The following CCDC187 variants were observed in gnomAD, a reference collection of about 807,000 sequenced individuals.
CCDC187 encodes coiled-coil domain-containing protein 187.
A neutral mutation model predicts 38.0 loss-of-function variants in CCDC187; 32 were observed. That is an observed-to-expected ratio of 0.84 (90% confidence interval 0.64 to 1.13). The LOEUF (loss-of-function observed/expected upper bound fraction) is 1.13, where lower values mean the gene tolerates loss of function less well. Among genes scored for constraint, CCDC187 ranks in the 50% most tolerant of loss-of-function variants. The pLI, the probability that CCDC187 is intolerant of heterozygous loss-of-function variation, is 0.00. For missense variants in CCDC187, 707 were observed against 786.8 expected, an observed-to-expected ratio of 0.90 and a Z score of 1.21; for synonymous variants, 333 against 347.9, an observed-to-expected ratio of 0.96 and a Z score of 0.48.
intron 9 of CCDC187, among the ~76,000 whole-genome samples, chr9:136,282,463 C>T (rs1479261309): frequency 6.6e-6 from 1 of 151,624 alleles, no homozygotes; most frequent in Non-Finnish European, 1.5e-5. Flanking sequence ...GTGGGCGGAG[C>T]ATGTGCTGAG....
In CCDC187 at chr9:136,293,405, ACACT is replaced by A. The variant is rs1190947350; in HGVS notation, c.833-1114_833-1111del. Among the ~76,000 whole-genome samples the A allele has an allele frequency of 3.4e-3, 275 of 81,468 alleles. 16 individuals carry two copies. Among genetic ancestry groups the A allele is most frequent in the East Asian group, 0.027 (61 of 2,272 alleles). The allele number at this position is 81,468 out of a possible 152,430, so 53.4% of individuals were successfully genotyped here. The stretch of plus-strand genomic sequence containing the variant: ...CACTCACATGCTCACACACTCACAA[ACACT>A]CACATGCTCACATACTCTCACATGC... On this transcript the variant is annotated intron_variant, in intron 4 of 25. Transcript: ENST00000638797.
At chr9:136,293,627 C>T (rs1831438917) in intron 4 of CCDC187, among the ~76,000 whole-genome samples, 1 of 152,100 alleles carries the variant, frequency 6.6e-6, no homozygotes, top group African/African-American at 2.4e-5. Flanking sequence ...CCAATGCTGA[C>T]AGGCACTCGC....
Position 136,273,854 on chromosome 9 carries a change from G to T in CCDC187, c.3442+804C>A, listed in dbSNP as rs572305655. Among the ~76,000 whole-genome samples, 213 of 152,382 alleles carry T rather than the reference G, an allele frequency of 1.4e-3. 2 individuals are homozygous for T. Among genetic ancestry groups the T allele is most frequent in the African/African-American group, 4.6e-3 (190 of 41,590 alleles). On this transcript the variant is annotated intron_variant, in intron 14 of 25. Coordinates refer to ENST00000638797, the MANE Select transcript of CCDC187 (RefSeq NM_001378188.1). ...AGCAGGTGCCAAGCCTGGAGATGGG[G>T]CGACTGTGGCCGGCTGGGAAGTCAC...
chr9:136,279,444 T>A (rs1264577869), intron 10 of CCDC187, among the ~76,000 whole-genome samples: 3 of 152,174 alleles, frequency 2.0e-5, no homozygotes, highest in African/African-American at 7.2e-5. Context: ...GCCCATAGGA[T>A]GGTGAATGAG....
At chr9:136,289,904 T>G in intron 7 of CCDC187, 55 bp downstream of exon 7, 1 of 307,768 alleles carries the variant, frequency 3.2e-6, no homozygotes, top group Non-Finnish European at 5.4e-6. Flanking sequence ...GAACTGTTCT[T>G]GGCCCCCCCC....
intron 7 of CCDC187, among the ~76,000 whole-genome samples, chr9:136,288,977 G>A (rs1021729831): frequency 2.6e-5 from 4 of 152,242 alleles, no homozygotes; most frequent in Admixed American, 2.6e-4. Context: ...GGCCAAAGCA[G>A]GTGCAAGCAC....
At chr9:136,279,868 A>G (rs1335368107) in intron 10 of CCDC187, among the ~76,000 whole-genome samples, 1 of 152,228 alleles carries the variant, frequency 6.6e-6, no homozygotes, top group Non-Finnish European at 1.5e-5. Flanking sequence ...GAGTGCCATC[A>G]TTGTGGGTGC....
At position 136,250,853 on chromosome 9, in the gene CCDC187, T is replaced by C. The variant is rs1554759248; in HGVS notation, c.*2741A>G. On this transcript the variant is annotated 3_prime_UTR_variant, in exon 26 of 26. Transcript: ENST00000638797. Reference sequence around the variant, plus strand: ...CTGGAGAAGGCAGGCTGGGTCCAGCTGCTCCCGGGCGAGGGGTGTCTGGAG... The same window carrying C: ...CTGGAGAAGGCAGGCTGGGTCCAGCCGCTCCCGGGCGAGGGGTGTCTGGAG... 2 of 455,740 alleles carry C rather than the reference T, an allele frequency of 4.4e-6. No individual in the cohort carries two copies. Among genetic ancestry groups the C allele is most frequent in the South Asian group, 3.1e-5 (2 of 64,536 alleles). 28.2% of individuals were successfully genotyped at this position (455,740 alleles called of 1,614,324 possible).
At chr9:136,304,434 A>T (rs1206201577), upstream of CCDC187, among the ~76,000 whole-genome samples, 1 of 152,156 alleles carries the variant, frequency 6.6e-6, no homozygotes, top group Non-Finnish European at 1.5e-5. Flanking sequence ...TCTCAGTTCC[A>T]TGGGGCTGGG....
At position 136,264,566 on chromosome 9, in the gene CCDC187, G is replaced by T. The variant is rs1248464686; in HGVS notation, c.3736-768C>A. On this transcript the variant is annotated intron_variant, in intron 17 of 25. Coordinates refer to ENST00000638797, the MANE Select transcript of CCDC187 (RefSeq NM_001378188.1). This position sits in a 1 kb window ranked among gnomAD's most constrained non-coding sequence, Gnocchi z 4.3. Reference sequence around the variant, plus strand: ...CCGTATCTGAGAGGACCTGTGCATGGGTCTGTGGCCTGGGTCTCCGCCCCC... The same window carrying T: ...CCGTATCTGAGAGGACCTGTGCATGTGTCTGTGGCCTGGGTCTCCGCCCCC... Among the ~76,000 whole-genome samples the T allele has an allele frequency of 2.6e-5, 4 of 152,138 alleles. 1 individual carries two copies. The highest frequency in any genetic ancestry group is 9.7e-5 in the African/African-American group (4 of 41,430).
chr9:136,258,818 C>T lies in CCDC187; in HGVS notation c.4366+114G>A. On this transcript the variant is annotated intron_variant, in intron 22 of 25. Coordinates refer to ENST00000638797, the MANE Select transcript of CCDC187 (RefSeq NM_001378188.1). The surrounding 1 kb of genome is among the most constrained non-coding windows in gnomAD (Gnocchi z 4.3). ...GTGGGGGGCCACCAGGGCCCATCTTCTTTGCTTTCCGTCCTTGTCCAGTGG... is the reference window on the plus strand; with the variant it reads ...GTGGGGGGCCACCAGGGCCCATCTTTTTTGCTTTCCGTCCTTGTCCAGTGG... 1.0e-6 allele frequency: 1 copy of T among 985,524 alleles called. No homozygotes were observed. The highest frequency in any genetic ancestry group is 1.7e-5 in the African/African-American group (1 of 57,378). 61.0% of individuals were successfully genotyped at this position (985,524 alleles called of 1,614,324 possible). A position where few individuals can be genotyped will look rare whatever the true frequency, so the allele number is the denominator to read the frequency against.
rs1280631032 is a variant in CCDC187 at position 136,286,510 on chromosome 9, G to A, written c.2408C>T (p.Pro803Leu). ...LPRGMCIYLD[P>L]KEAEHLGTSS... Reference sequence around the variant, plus strand: ...AGTGCCCAGGTGCTCAGCCTCCTTTGGGTCCAGGTAGATGCACATCCCCCG... The same window carrying A: ...AGTGCCCAGGTGCTCAGCCTCCTTTAGGTCCAGGTAGATGCACATCCCCCG... The change falls in exon 8 of 26, where the codon CCA becomes CTA. Residue 803 changes from proline (P) to leucine (L), a missense_variant. Physicochemically the swap from Pro to Leu is moderately conservative, Grantham distance 98. Transcript: ENST00000638797. The A allele has an allele frequency of 7.8e-5, 31 of 398,762 alleles. No individual in the cohort carries two copies. Among genetic ancestry groups the A allele is most frequent in the Middle Eastern group, 6.3e-4 (1 of 1,588 alleles). 24.7% of individuals were successfully genotyped at this position (398,762 alleles called of 1,614,324 possible).
intron 21 of CCDC187, 80 bp downstream of exon 21, chr9:136,259,281 TCA>T (rs1830652248): frequency 2.5e-6 from 1 of 394,094 alleles, no homozygotes; most frequent in Non-Finnish European, 3.3e-6. Context: ...GAAGATCAAG[TCA>T]CAGATTGGCA....
Position 136,259,410 on chromosome 9 carries a change from G to A in CCDC187, c.4249C>T (p.Gln1417Ter). The A allele has an allele frequency of 1.0e-6, 1 of 985,562 alleles. No individual in the cohort carries two copies. Among genetic ancestry groups the A allele is most frequent in the South Asian group, 4.7e-5 (1 of 21,296 alleles). The allele number at this position is 985,562 out of a possible 1,614,324, so 61.1% of individuals were successfully genotyped here. ...TGTCCGTCCGGGGGGCTCACGTGCT[G>A]CAGGCCCAGCAGAGGGGCCCGAGGC... ...EQPRAPLLGL[Q>*]HVSPPDGQRL... The change falls in exon 21 of 26, where the codon CAG becomes TAG. Residue 1417 changes from glutamine (Q) to a stop codon, truncating the protein, a stop_gained. Coordinates refer to ENST00000638797, the MANE Select transcript of CCDC187 (RefSeq NM_001378188.1). LOFTEE classifies it high-confidence loss of function.
chr9:136,297,616 C>T, intron 4 of CCDC187, 98 bp downstream of exon 4: 1 of 389,046 alleles, frequency 2.6e-6, no homozygotes, highest in Non-Finnish European at 4.6e-6. Context: ...GACTGGCCAG[C>T]CCCAGCCCCA....
intron 6 of CCDC187, 34 bp from the exon 7 acceptor site, chr9:136,290,087 G>T (rs1050459408): frequency 2.5e-6 from 1 of 398,710 alleles, no homozygotes; most frequent in Non-Finnish European, 4.4e-6. Flanking sequence ...AGAGCCCCCC[G>T]CTCGGGAAGA....
In CCDC187 at chr9:136,250,559, A is replaced by C; in HGVS notation, c.*3035T>G. The C allele has an allele frequency of 2.9e-6, 1 of 349,100 alleles. No homozygotes were observed. Among genetic ancestry groups the C allele is most frequent in the Non-Finnish European group, 5.7e-6 (1 of 175,818 alleles). The allele number at this position is 349,100 out of a possible 1,614,324, so 21.6% of individuals were successfully genotyped here. On this transcript the variant is annotated 3_prime_UTR_variant, in exon 26 of 26. Coordinates refer to ENST00000638797, the MANE Select transcript of CCDC187 (RefSeq NM_001378188.1). ...CAGCAATAAATGGAAAAAAATAAAAAATCACAGACTAATTTGTTCAGAAGA... is the reference window on the plus strand; with the variant it reads ...CAGCAATAAATGGAAAAAAATAAAACATCACAGACTAATTTGTTCAGAAGA...
intron 7 of CCDC187, among the ~76,000 whole-genome samples, chr9:136,288,991 T>C (rs1245077782): frequency 6.6e-6 from 1 of 152,124 alleles, no homozygotes; most frequent in Non-Finnish European, 1.5e-5. Context: ...CAAGCACCCA[T>C]TCACGGCAGC....
intron 12 of CCDC187, among the ~76,000 whole-genome samples, chr9:136,275,385 G>A (rs938559877): frequency 5.9e-5 from 9 of 152,126 alleles, no homozygotes; most frequent in Non-Finnish European, 1.2e-4. Context: ...AACAGGCAGG[G>A]ACACAGGGCA....
Sources: allele counts gnomAD v4.1 joint callset (sites outside exome capture counted in the v4.1 genomes callset), GRCh38; gene constraint gnomAD v4.1.1; non-coding constraint Gnocchi (gnomAD v3.1); transcripts MANE v1.5; gene names NCBI Gene and HGNC (gene_info 2026-07-23, HGNC 2026-07-21).